The following PDE6B variants were observed in gnomAD, a reference collection of about 807,000 sequenced individuals.
PDE6B encodes the protein phosphodiesterase 6B, also known as rod cGMP-specific 3',5'-cyclic phosphodiesterase subunit beta.
PDE6B carries 106 observed loss-of-function variants against 109.0 expected under a neutral mutation model. That is an observed-to-expected ratio of 0.97 (90% confidence interval 0.83 to 1.14). PDE6B has a LOEUF of 1.14. PDE6B is among the 50% of genes most tolerant of loss of function. PDE6B has a pLI of 0.00. For synonymous variants in PDE6B, 490 were observed against 471.3 expected, an observed-to-expected ratio of 1.04 and a Z score of -0.51; for missense variants, 1,193 against 1,155.6, an observed-to-expected ratio of 1.03 and a Z score of -0.47.
chr4:630,488 CTT>C (rs750402616), intron 1 of PDE6B, among the ~76,000 whole-genome samples: 8 of 152,164 alleles, frequency 5.3e-5, no homozygotes, highest in African/African-American at 1.9e-4. Flanking sequence ...GCGTGGGACT[CTT>C]TGCAGTCTCG....
intron 3 of PDE6B, among the ~76,000 whole-genome samples, chr4:645,873 T>G (rs951181176): frequency 6.6e-5 from 10 of 152,068 alleles, no homozygotes; most frequent in Admixed American, 2.0e-4. Context: ...ACTGCTTCAC[T>G]TAGAGTGTGG....
intron 11 of PDE6B, among the ~76,000 whole-genome samples, chr4:659,468 C>G (rs1267128106): frequency 6.6e-6 from 1 of 152,028 alleles, no homozygotes; most frequent in East Asian, 1.9e-4. Context: ...CATGTGTGTG[C>G]ACATGTGGGT....
Position 654,079 on chromosome 4 carries a change from G to A in PDE6B, c.853-1G>A, listed in dbSNP as rs2109193662. On this transcript the variant is annotated splice_acceptor_variant, in intron 4 of 21. Coordinates refer to ENST00000496514, the MANE Select transcript of PDE6B (RefSeq NM_000283.4). LOFTEE classifies it high-confidence loss of function. Reference sequence around the variant, plus strand: ...CCCACCCTCACCTCTTCTCTGCCCAGGAATTTTTTGACGTGTGGTCTGTGC... The same window carrying A: ...CCCACCCTCACCTCTTCTCTGCCCAAGAATTTTTTGACGTGTGGTCTGTGC... 2.5e-6 allele frequency: 4 copies of A among 1,613,924 alleles called. No individual in the cohort carries two copies. Among genetic ancestry groups the A allele is most frequent in the Non-Finnish European group, 2.5e-6 (3 of 1,180,030 alleles).
At chr4:652,412 C>A in intron 3 of PDE6B, 1 of 666,030 alleles carries the variant, frequency 1.5e-6, no homozygotes. Flanking sequence ...TTGCAGGAGG[C>A]CGGGGCAGGA....
chr4:664,036 G>A (rs2109264359), intron 16 of PDE6B, 78 bp from the exon 17 acceptor site: 5 of 1,201,836 alleles, frequency 4.2e-6, no homozygotes, highest in East Asian at 2.3e-5. Context: ...CGGGCTCCGC[G>A]CCTCCCTGCA....
chr4:659,646 G>A (rs1270488199), intron 11 of PDE6B, among the ~76,000 whole-genome samples: 1 of 151,394 alleles, frequency 6.6e-6, no homozygotes, highest in African/African-American at 2.4e-5. Context: ...ACACATGTGT[G>A]TGCACATGTG....
rs765865688 is a variant in PDE6B, at chr4:660,588, TC to T, written c.1591del (p.Arg531GlufsTer44). 6.2e-7 allele frequency: 1 copy of T among 1,613,706 alleles called. No individual in the cohort carries two copies. Among genetic ancestry groups the T allele is most frequent in the South Asian group, 1.1e-5 (1 of 91,072 alleles). On this transcript the variant is annotated frameshift_variant, in exon 12 of 22. Coordinates refer to ENST00000496514, the MANE Select transcript of PDE6B (RefSeq NM_000283.4). LOFTEE classifies it high-confidence loss of function. ...CAGATGTACTACGAGCTGGGCGTGGTCCGAAAGTTCCAGATCCCCCAGGAGG... is the reference window on the plus strand; with the variant it reads ...CAGATGTACTACGAGCTGGGCGTGGTCGAAAGTTCCAGATCCCCCAGGAGG... Reference protein sequence around the residue: ...GIQMYYELGVVRKFQIPQEVL... With the variant: ...GIQMYYELGVXRKFQIPQEVL...
In PDE6B at chr4:670,169, G is replaced by A. The variant is rs767309252; in HGVS notation, c.*62G>A. On this transcript the variant is annotated 3_prime_UTR_variant, in exon 22 of 22. Coordinates refer to ENST00000496514, the MANE Select transcript of PDE6B (RefSeq NM_000283.4). ...CTTCACCCACTAGGATTTGGGTTCT[G>A]CCTGTGGCTATTTGCTACAAGAGGT... 1.2e-6 allele frequency: 2 copies of A among 1,611,004 alleles called. No individual in the cohort carries two copies. The highest frequency in any genetic ancestry group is 8.5e-7 in the Non-Finnish European group (1 of 1,178,446).
chr4:655,472 C>A, intron 6 of PDE6B: 1 of 304,896 alleles, frequency 3.3e-6, no homozygotes. Flanking sequence ...GTCAGGGTGG[C>A]AGGGCAGGCA....
chr4:654,627 G>C, intron 5 of PDE6B, 197 bp from the exon 6 acceptor site: 1 of 662,740 alleles, frequency 1.5e-6, no homozygotes, highest in South Asian at 1.7e-5. Context: ...GTGTGGACAT[G>C]GGTGTGAGTG....
At chr4:653,348 C>G in intron 3 of PDE6B, 2 of 1,085,310 alleles carry the variant, frequency 1.8e-6, no homozygotes, top group Non-Finnish European at 2.3e-6. Context: ...GCAGCGCTGA[C>G]CCAGCAACCA....
intron 10 of PDE6B, among the ~76,000 whole-genome samples, chr4:658,478 G>GCGGC: frequency 6.6e-6 from 1 of 150,660 alleles, no homozygotes; most frequent in African/African-American, 2.4e-5. Flanking sequence ...TCACAGCTGT[G>GCGGC]TGGGGCAGGT....
chr4:653,470 C>T (rs747973663), intron 3 of PDE6B: 67 of 543,386 alleles, frequency 1.2e-4, no homozygotes, highest in Non-Finnish European at 1.5e-4. Flanking sequence ...GCCTGACGTG[C>T]GGAAACCACG....
At position 663,919 on chromosome 4, in the gene PDE6B, G is replaced by C. The variant is rs950539356; in HGVS notation, c.2021+49G>C. 4 of 1,404,006 alleles carry C rather than the reference G, an allele frequency of 2.8e-6. No individual in the cohort carries two copies. The highest frequency in any genetic ancestry group is 4.0e-6 in the Non-Finnish European group (4 of 1,010,244). 87.0% of individuals were successfully genotyped at this position (1,404,006 alleles called of 1,614,324 possible). A position where few individuals can be genotyped will look rare whatever the true frequency, so the allele number is the denominator to read the frequency against. ...GCCTCGCGGGGCGGGCGGGTAGCCT[G>C]GGACCCCCGGCAGACACGGGGGCGC... On this transcript the variant is annotated intron_variant, in intron 16 of 21. Transcript: ENST00000496514. The surrounding 1 kb of genome is among the most constrained non-coding windows in gnomAD (Gnocchi z 4.0).
Position 654,246 on chromosome 4 carries a change from G to A in PDE6B, c.927+92G>A, listed in dbSNP as rs1182580613. 7 of 1,181,640 alleles carry A rather than the reference G, an allele frequency of 5.9e-6. No individual in the cohort carries two copies. The Admixed American group carries it at 1.4e-4, about 23-fold the overall frequency. The allele number at this position is 1,181,640 out of a possible 1,614,324, so 73.2% of individuals were successfully genotyped here. On this transcript the variant is annotated intron_variant, in intron 5 of 21. Coordinates refer to ENST00000496514, the MANE Select transcript of PDE6B (RefSeq NM_000283.4). ...GCAGGAGAGGGAGGGATAGGGGTGG[G>A]GTTTAGGGAGGTGGGAACTGGCCGG...
chr4:629,681 A>G lies in PDE6B; in HGVS notation c.468+3587A>G, dbSNP rs551617797. 2.0e-5 allele frequency among the ~76,000 whole-genome samples: 3 copies of G among 152,326 alleles called. No homozygotes were observed. The South Asian group carries it at 6.2e-4, about 32-fold the overall frequency. ...CCTATGGTGGTCTCTACAAGGCTGG[A>G]CAGAGCAGGGGCGTTGAGAACACGG... On this transcript the variant is annotated intron_variant, in intron 1 of 21. Transcript: ENST00000496514.
chr4:663,779 A>G lies in PDE6B; in HGVS notation c.1930A>G (p.Ile644Val), dbSNP rs746421870. 1 of 1,611,748 alleles carries G rather than the reference A, an allele frequency of 6.2e-7. No individual in the cohort carries two copies. The highest frequency in any genetic ancestry group is 2.2e-5 in the East Asian group (1 of 44,838). ...GGCATAACCTCCGCAGACCCTGAACATCTACCAGAACCTGAACCGGCGGCA... is the reference window on the plus strand; with the variant it reads ...GGCATAACCTCCGCAGACCCTGAACGTCTACCAGAACCTGAACCGGCGGCA... ...KFLLSEETLN[I>V]YQNLNRRQHE... Residue 644 changes from isoleucine to valine, a missense_variant, in exon 16 of 22, where the codon ATC (isoleucine) becomes GTC (valine). Transcript: ENST00000496514. The surrounding 1 kb of genome is among the most constrained non-coding windows in gnomAD (Gnocchi z 4.0).
At position 666,520 on chromosome 4, in the gene PDE6B, C is replaced by T. The variant is rs370169775; in HGVS notation, c.2269-11C>T. ...GGTCACTGTTCTCCCGCCCTCTGTT[C>T]CTCCCACCAGCCTATGATGGACCGG... is the stretch of plus-strand genomic sequence containing the variant. On this transcript the variant is annotated splice_polypyrimidine_tract_variant and intron_variant, in intron 19 of 21. Transcript: ENST00000496514. This position sits in a 1 kb window ranked among gnomAD's most constrained non-coding sequence, Gnocchi z 5.6. The T allele has an allele frequency of 1.9e-5, 31 of 1,602,674 alleles. No homozygotes were observed. The East Asian group carries it at 3.6e-4, about 18-fold the overall frequency.
Position 665,730 on chromosome 4 carries a change from C to T in PDE6B, c.2268+401C>T, listed in dbSNP as rs1357953987. ...GTGGTATGATGGACAATGCCAGGGT[C>T]CTCAGGTCAGCAGCGGGGTCTGGAT... On this transcript the variant is annotated intron_variant, in intron 19 of 21. Coordinates refer to ENST00000496514, the MANE Select transcript of PDE6B (RefSeq NM_000283.4). This position sits in a 1 kb window ranked among gnomAD's most constrained non-coding sequence, Gnocchi z 4.0. Among the ~76,000 whole-genome samples the T allele has an allele frequency of 6.6e-6, 1 of 152,176 alleles. No individual in the cohort carries two copies. Among genetic ancestry groups the T allele is most frequent in the Non-Finnish European group, 1.5e-5 (1 of 68,032 alleles).
Sources: allele counts gnomAD v4.1 joint callset (sites outside exome capture counted in the v4.1 genomes callset), GRCh38; gene constraint gnomAD v4.1.1; non-coding constraint Gnocchi (gnomAD v3.1); transcripts MANE v1.5; gene names NCBI Gene and HGNC (gene_info 2026-07-23, HGNC 2026-07-21).